Variants in CD28 observed in about 807,000 individuals in gnomAD.
The protein encoded by CD28 is T-cell-specific surface glycoprotein CD28.
A neutral mutation model predicts 21.4 loss-of-function variants in CD28; 8 were observed. That is an observed-to-expected ratio of 0.37 (90% CI 0.22 to 0.68). The LOEUF (loss-of-function observed/expected upper bound fraction) is 0.68, where lower values mean the gene tolerates loss of function less well. Among genes scored for constraint, CD28 ranks in the 30% least tolerant of loss-of-function variants. The pLI, the probability that CD28 is intolerant of heterozygous loss-of-function variation, is 0.55. For synonymous variants in CD28, 106 were observed against 104.0 expected (o/e 1.02, Z -0.12); for missense variants, 239 against 272.2 (o/e 0.88, Z 0.86).
rs1694092957 is a variant in CD28, at chr2:203,738,271, T to A, written c.*3359T>A. On this transcript the variant is annotated 3_prime_UTR_variant, in exon 4 of 4. Transcript: ENST00000324106. ...GAGGGTATTGATGGTTAAATGCATG[T>A]CTGATCCCTTATCCCAGCCATTTGC... is the stretch of plus-strand genomic sequence containing the variant. 6.6e-6 allele frequency: 1 copy of A among 152,176 alleles called. No homozygotes were observed. Among genetic ancestry groups the A allele is most frequent in the Non-Finnish European group, 1.5e-5 (1 of 68,042 alleles). The allele number at this position is 152,176 out of a possible 1,614,324, so 9.4% of individuals were successfully genotyped here.
At chr2:203,713,516 A>C (rs1371473872) in intron 1 of CD28, among the ~76,000 whole-genome samples, 1 of 152,128 alleles carries the variant, frequency 6.6e-6, no homozygotes, top group Non-Finnish European at 1.5e-5. Flanking sequence ...TTTCAAAAAG[A>C]TAGTGGTTAA....
intron 1 of CD28, among the ~76,000 whole-genome samples, chr2:203,724,822 G>T (rs893843823): frequency 3.9e-5 from 6 of 152,170 alleles, no homozygotes; most frequent in African/African-American, 1.4e-4. Context: ...ATTTAAAAAT[G>T]AATCTGATTT....
intron 1 of CD28, among the ~76,000 whole-genome samples, chr2:203,715,530 A>G (rs1429231405): frequency 2.6e-5 from 4 of 152,168 alleles, no homozygotes; most frequent in African/African-American, 9.7e-5. Context: ...TTGGTCCCAG[A>G]GCACTCACAT....
chr2:203,730,634 A>G (rs1693866440), intron 3 of CD28, among the ~76,000 whole-genome samples: 1 of 152,226 alleles, frequency 6.6e-6, no homozygotes, highest in Non-Finnish European at 1.5e-5. Context: ...ATTCTCAAAC[A>G]TAAAAGACTA....
intron 1 of CD28, among the ~76,000 whole-genome samples, chr2:203,715,415 CT>C (rs1693438621): frequency 6.6e-6 from 1 of 152,046 alleles, no homozygotes; most frequent in African/African-American, 2.4e-5. Flanking sequence ...CTTAGATTGT[CT>C]TTCTAACATT....
intron 1 of CD28, among the ~76,000 whole-genome samples, chr2:203,725,294 A>G (rs1396550548): frequency 1.1e-4 from 1 of 8,714 alleles, no homozygotes; most frequent in East Asian, 0.031. Flanking sequence ...CCGTCTCCAG[A>G]AAAAAAAAAA....
rs138598762 is a variant in CD28 at position 203,735,174 on chromosome 2, A to G, written c.*262A>G. The G allele has an allele frequency of 6.7e-6, 3 of 449,086 alleles. No individual in the cohort carries two copies. The highest frequency in any genetic ancestry group is 6.1e-5 in the African/African-American group (3 of 49,456). The allele number at this position is 449,086 out of a possible 1,614,324, so 27.8% of individuals were successfully genotyped here. A position where few individuals can be genotyped will look rare whatever the true frequency, so the allele number is the denominator to read the frequency against. The stretch of plus-strand genomic sequence containing the variant: ...AACTTACCATGTACTTAGTGACTTG[A>G]CTGAGAAGTTAGGGTAGAAAACAAA... On this transcript the variant is annotated 3_prime_UTR_variant, in exon 4 of 4. Coordinates refer to ENST00000324106, the MANE Select transcript of CD28 (RefSeq NM_006139.4).
chr2:203,707,873 TAACTTCGG>T (rs945880954), intron 1 of CD28, among the ~76,000 whole-genome samples: 6 of 152,214 alleles, frequency 3.9e-5, no homozygotes, highest in African/African-American at 1.4e-4. Flanking sequence ...AGGGTTAAAT[TAACTTCGG>T]AAAATCACAA....
chr2:203,707,383 T>C (rs1693188283), intron 1 of CD28, among the ~76,000 whole-genome samples: 1 of 152,022 alleles, frequency 6.6e-6, no homozygotes. Flanking sequence ...CATTGTGAGG[T>C]AAAATGAAAT....
intron 1 of CD28, among the ~76,000 whole-genome samples, chr2:203,724,440 A>C (rs1160358468): frequency 6.6e-6 from 1 of 152,236 alleles, no homozygotes; most frequent in Admixed American, 6.5e-5. Flanking sequence ...CTTAGTATCA[A>C]TCCTTCCCCC....
At chr2:203,724,675 C>T (rs1693691974) in intron 1 of CD28, among the ~76,000 whole-genome samples, 1 of 152,152 alleles carries the variant, frequency 6.6e-6, no homozygotes, top group Non-Finnish European at 1.5e-5. Flanking sequence ...TGTGAGCCAT[C>T]ATCCCCAGCC....
In CD28 at chr2:203,726,078, G is replaced by T. The variant is rs1693739172; in HGVS notation, c.53-555G>T. Among the ~76,000 whole-genome samples, 6 of 152,220 alleles carry T rather than the reference G, an allele frequency of 3.9e-5. No individual in the cohort carries two copies. The South Asian group carries it at 1.2e-3, about 32-fold the overall frequency. On this transcript the variant is annotated intron_variant, in intron 1 of 3. Coordinates refer to ENST00000324106, the MANE Select transcript of CD28 (RefSeq NM_006139.4). ...ATAGAAAAATTAGCTGGGCGTGGTG[G>T]TGCATACCTGTAATCCCAGCTACTT...
rs3769686 is a variant in CD28 at position 203,731,534 on chromosome 2, A to G, written c.534+1762A>G. Among the ~76,000 whole-genome samples, 1,455 of 152,320 alleles carry G rather than the reference A, an allele frequency of 9.6e-3. 11 individuals carry two copies. Among genetic ancestry groups the G allele is most frequent in the East Asian group, 0.041 (210 of 5,182 alleles). Reference sequence around the variant, plus strand: ...CTGACCTAGGTCAAAGTAATTTACTAGCTCTGCAGAAAGTAGTTTTGGGAA... The same window carrying G: ...CTGACCTAGGTCAAAGTAATTTACTGGCTCTGCAGAAAGTAGTTTTGGGAA... On this transcript the variant is annotated intron_variant, in intron 3 of 3. Coordinates refer to ENST00000324106, the MANE Select transcript of CD28 (RefSeq NM_006139.4).
intron 3 of CD28, among the ~76,000 whole-genome samples, chr2:203,730,886 T>G (rs757511898): frequency 2.6e-5 from 4 of 152,262 alleles, no homozygotes; most frequent in Non-Finnish European, 4.4e-5. Flanking sequence ...GAAGTCATTC[T>G]GTTTACTGTC....
intron 1 of CD28, among the ~76,000 whole-genome samples, chr2:203,707,957 T>C (rs1462702195): frequency 1.3e-5 from 2 of 152,326 alleles, no homozygotes; most frequent in Non-Finnish European, 2.9e-5. Flanking sequence ...ATTCAACGTG[T>C]TCTCAGAGTT....
intron 3 of CD28, among the ~76,000 whole-genome samples, chr2:203,731,738 A>G (rs1053763911): frequency 6.6e-6 from 1 of 151,062 alleles, no homozygotes; most frequent in Non-Finnish European, 1.5e-5. Context: ...TTCAACTCAG[A>G]CACATCATAG....
chr2:203,714,421 T>C (rs1693409859), intron 1 of CD28, among the ~76,000 whole-genome samples: 1 of 152,206 alleles, frequency 6.6e-6, no homozygotes, highest in Non-Finnish European at 1.5e-5. Context: ...AATCTTAGCA[T>C]TTCCCTGTGT....
chr2:203,706,772 T>C (rs371183080), intron 1 of CD28, 24 bp downstream of exon 1: 11 of 1,554,378 alleles, frequency 7.1e-6, no homozygotes, highest in Non-Finnish European at 8.9e-6. Context: ...ATGTCTTTCT[T>C]TCTGTAAATA....
At chr2:203,733,424 A>G (rs1160550611) in intron 3 of CD28, among the ~76,000 whole-genome samples, 1 of 147,060 alleles carries the variant, frequency 6.8e-6, no homozygotes, top group East Asian at 2.0e-4. Context: ...AAACACTGGT[A>G]AAAAAAAAAC....
Sources: allele counts gnomAD v4.1 joint callset (sites outside exome capture counted in the v4.1 genomes callset), GRCh38; gene constraint gnomAD v4.1.1; transcripts MANE v1.5; gene names NCBI Gene and HGNC (gene_info 2026-07-23, HGNC 2026-07-21).